Variants in PCNT observed in about 807,000 individuals in gnomAD.
The protein encoded by PCNT is kendrin.
Under a neutral mutation model 380.4 loss-of-function variants are expected in PCNT, and 319 were observed. That is an observed-to-expected ratio of 0.84 (90% CI 0.77 to 0.92). The LOEUF is 0.92. PCNT is among the 40% of genes least tolerant of loss of function. The pLI, the probability that PCNT is intolerant of heterozygous loss-of-function variation, is 0.00. For synonymous variants in PCNT, 1,845 were observed against 1,735.2 expected (o/e 1.06, Z -1.57); for missense variants, 4,400 against 4,255.3 (o/e 1.03, Z -0.95).
At chr21:46,442,672 G>A (rs1601224269) in intron 44 of PCNT, 99 bp downstream of exon 44, 8 of 804,450 alleles carry the variant, frequency 9.9e-6, no homozygotes, top group South Asian at 1.4e-5. Context: ...TGATGGGGAC[G>A]TAATAAAGCA....
At chr21:46,350,774 C>A (rs965173150) in intron 8 of PCNT, among the ~76,000 whole-genome samples, 2 of 152,084 alleles carry the variant, frequency 1.3e-5, no homozygotes, top group African/African-American at 4.8e-5. Flanking sequence ...TGGTCCCTTC[C>A]AGGCTCTCCC....
chr21:46,360,870 G>A (rs1388069582), intron 13 of PCNT, among the ~76,000 whole-genome samples: 1 of 152,172 alleles, frequency 6.6e-6, no homozygotes, highest in Non-Finnish European at 1.5e-5. Context: ...CAGTTGCAGT[G>A]CTGAGTCTAT....
In PCNT at chr21:46,399,587, T is replaced by C. The variant is rs777059690; in HGVS notation, c.4585-3T>C. 5.3e-5 allele frequency: 85 copies of C among 1,604,884 alleles called. No individual in the cohort carries two copies. In the Admixed American group the frequency reaches 1.4e-3, roughly 26 times the overall value. On this transcript the variant is annotated splice_region_variant and splice_polypyrimidine_tract_variant and intron_variant, in intron 24 of 46. Transcript: ENST00000359568. The stretch of plus-strand genomic sequence containing the variant: ...ATTCCTCAAGCATTTTTTGTTGTTT[T>C]AGGTTGAGTTGTTACAACAAAAGTT...
rs1569297904 is a variant in PCNT, at chr21:46,430,531, CGAGCTGAAGGCCGCGCTTCAG to C, written c.7945_7965del (p.Lys2649_Leu2655del). ...GATCCATGCTGAGCAGTAAGGAGAACGAGCTGAAGGCCGCGCTTCAGGAGCTGGAGAGTGAGCAGGGGAAGG... is the reference window on the plus strand; with the variant it reads ...GATCCATGCTGAGCAGTAAGGAGAACGAGCTGGAGAGTGAGCAGGGGAAGG... On this transcript the variant is annotated inframe_deletion, in exon 37 of 47. Transcript: ENST00000359568. The C allele has an allele frequency of 1.3e-6, 2 of 1,553,062 alleles. No individual in the cohort carries two copies. The highest frequency in any genetic ancestry group is 2.7e-5 in the African/African-American group (2 of 73,180).
chr21:46,365,844 CCACAGGG>C (rs2084906638), intron 14 of PCNT, among the ~76,000 whole-genome samples: 1 of 90,120 alleles, frequency 1.1e-5, no homozygotes, highest in African/African-American at 7.7e-5. Flanking sequence ...CCGTTCACTG[CCACAGGG>C]TTCTGTTCAC....
At chr21:46,401,034 T>C (rs1172516771) in intron 25 of PCNT, among the ~76,000 whole-genome samples, 1 of 152,242 alleles carries the variant, frequency 6.6e-6, no homozygotes, top group Non-Finnish European at 1.5e-5. Flanking sequence ...AGCGAACGTT[T>C]ACTGAGCTTA....
chr21:46,360,883 A>T (rs1204858971), intron 13 of PCNT, among the ~76,000 whole-genome samples: 3 of 152,042 alleles, frequency 2.0e-5, no homozygotes, highest in African/African-American at 7.2e-5. Context: ...GAGTCTATAA[A>T]TGTTTAAGGT....
At chr21:46,403,466 G>A (rs1225358545) in intron 27 of PCNT, among the ~76,000 whole-genome samples, 15 of 123,276 alleles carry the variant, frequency 1.2e-4, no homozygotes, top group South Asian at 5.9e-4. Flanking sequence ...CACGCGGCAC[G>A]TGCTTGGTGA....
intron 33 of PCNT, among the ~76,000 whole-genome samples, chr21:46,426,419 G>A (rs1291452099): frequency 1.3e-5 from 2 of 152,168 alleles, no homozygotes; most frequent in African/African-American, 4.8e-5. Flanking sequence ...GCAGGCTCTC[G>A]GGGCAGGTTC....
Position 46,336,947 on chromosome 21 carries a change from A to G in PCNT, c.639+2179A>G, listed in dbSNP as rs367635449. The stretch of plus-strand genomic sequence containing the variant: ...GAGAAGCCTGGCTCTCACTTCTGCC[A>G]TTTATTTACTTTAAAAAAAAAAATT... On this transcript the variant is annotated intron_variant, in intron 3 of 46. Coordinates refer to ENST00000359568, the MANE Select transcript of PCNT (RefSeq NM_006031.6). Among the ~76,000 whole-genome samples, 884 of 150,750 alleles carry G rather than the reference A, an allele frequency of 5.9e-3. 3 individuals carry two copies. Among genetic ancestry groups the G allele is most frequent in the Non-Finnish European group, 9.1e-3 (613 of 67,730 alleles).
chr21:46,349,130 T>C lies in PCNT; in HGVS notation c.1151T>C (p.Leu384Ser), dbSNP rs1188062016. The C allele has an allele frequency of 1.2e-6, 2 of 1,613,698 alleles. No homozygotes were observed. Among genetic ancestry groups the C allele is most frequent in the Non-Finnish European group, 1.7e-6 (2 of 1,179,716 alleles). The change falls in exon 7 of 47, where the codon TTG becomes TCG. Residue 384 changes from leucine (L) to serine (S), a missense_variant. By Grantham distance (145) the Leu-to-Ser change is moderately radical. Coordinates refer to ENST00000359568, the MANE Select transcript of PCNT (RefSeq NM_006031.6). ...TTACAAAACCAGTTTCAGAAAGAAT[T>C]GGCAGAACAGAGAGCTGAGTTGGAG... ...EDLQNQFQKE[L>S]AEQRAELEKI...
chr21:46,390,389 G>C (rs1483080125), intron 19 of PCNT, among the ~76,000 whole-genome samples: 1 of 152,194 alleles, frequency 6.6e-6, no homozygotes, highest in East Asian at 1.9e-4. Flanking sequence ...TAGATGGCCT[G>C]GGAGCCCCAG....
intron 33 of PCNT, among the ~76,000 whole-genome samples, chr21:46,427,333 G>C (rs1271589508): frequency 1.3e-5 from 2 of 152,216 alleles, no homozygotes; most frequent in African/African-American, 2.4e-5. Flanking sequence ...AGACCAGGGG[G>C]CTTAAACAGC....
chr21:46,412,722 C>T (rs1318401565), intron 28 of PCNT, 115 bp from the exon 29 acceptor site: 17 of 1,094,076 alleles, frequency 1.6e-5, no homozygotes, highest in Non-Finnish European at 2.1e-5. Flanking sequence ...TCACTGCCAC[C>T]TCCCTCTGGC....
chr21:46,336,989 TGTTTG>T (rs1488310815), intron 3 of PCNT, among the ~76,000 whole-genome samples: 3 of 27,718 alleles, frequency 1.1e-4, no homozygotes, highest in Non-Finnish European at 2.3e-4. Context: ...TTGTTTTTTT[TGTTTG>T]TTTGTTTGTT....
At position 46,416,578 on chromosome 21, in the gene PCNT, C is replaced by T; in HGVS notation, c.6660C>T (p.Asp2220=). 1.2e-6 allele frequency: 2 copies of T among 1,609,682 alleles called. No homozygotes were observed. The highest frequency in any genetic ancestry group is 1.7e-5 in the Admixed American group (1 of 59,722). Residue 2220 remains aspartate, a synonymous_variant, in exon 30 of 47, where the codon GAC becomes GAT. Coordinates refer to ENST00000359568, the MANE Select transcript of PCNT (RefSeq NM_006031.6). The part of the protein sequence containing the change: ...GPRKSPVGML[D]LSSWSSPEVL... Reference sequence around the variant, plus strand: ...GGAAGAGCCCGGTCGGGATGCTGGACCTGTCTTCCTGGAGCTCCCCTGAGG... The same window carrying T: ...GGAAGAGCCCGGTCGGGATGCTGGATCTGTCTTCCTGGAGCTCCCCTGAGG...
chr21:46,420,052 G>A (rs2087184773), intron 31 of PCNT, among the ~76,000 whole-genome samples: 2 of 152,292 alleles, frequency 1.3e-5, no homozygotes, highest in South Asian at 2.1e-4. Context: ...AAGGTATCGC[G>A]TGCCTGTCCA....
In PCNT at chr21:46,405,324, G is replaced by A. The variant is rs111962460; in HGVS notation, c.5115+2841G>A. Among the ~76,000 whole-genome samples the A allele has an allele frequency of 4.3e-4, 66 of 152,350 alleles. 2 individuals carry two copies. Among genetic ancestry groups the A allele is most frequent in the African/African-American group, 1.2e-3 (48 of 41,580 alleles). On this transcript the variant is annotated intron_variant, in intron 27 of 46. Coordinates refer to ENST00000359568, the MANE Select transcript of PCNT (RefSeq NM_006031.6). ...ATTTCCCTTTGACAGAGGCTACTGA[G>A]ATGTTATCTGTCTTAGTATCTGATT...
chr21:46,387,545 A>G (rs2085881363), intron 17 of PCNT, among the ~76,000 whole-genome samples: 2 of 151,952 alleles, frequency 1.3e-5, no homozygotes, highest in African/African-American at 4.8e-5. Context: ...GTGGCTGCAG[A>G]CGCCCTGATG....
Sources: allele counts gnomAD v4.1 joint callset (sites outside exome capture counted in the v4.1 genomes callset), GRCh38; gene constraint gnomAD v4.1.1; transcripts MANE v1.5; gene names NCBI Gene and HGNC (gene_info 2026-07-23, HGNC 2026-07-21).